Variants in GPR137C observed in about 807,000 individuals in gnomAD.
GPR137C encodes the protein G protein-coupled receptor 137C, also known as integral membrane protein GPR137C.
A neutral mutation model predicts 43.4 loss-of-function variants in GPR137C; 27 were observed. The observed-to-expected ratio is 0.62, with a 90% confidence interval of 0.46 to 0.86. The LOEUF is 0.86. GPR137C is among the 40% of genes least tolerant of loss of function. The pLI is 0.00. For missense variants in GPR137C, 522 were observed against 534.6 expected, an observed-to-expected ratio of 0.98 and a Z score of 0.23; for synonymous variants, 285 against 226.9, an observed-to-expected ratio of 1.26 and a Z score of -2.30.
intron 3 of GPR137C, among the ~76,000 whole-genome samples, chr14:52,608,025 T>C (rs2039000601): frequency 6.6e-6 from 1 of 152,240 alleles, no homozygotes; most frequent in South Asian, 2.1e-4. Flanking sequence ...GATTTTCCTG[T>C]AGGCAACATA....
intron 1 of GPR137C, among the ~76,000 whole-genome samples, chr14:52,596,567 G>A (rs766668275): frequency 6.6e-6 from 1 of 152,206 alleles, no homozygotes; most frequent in Non-Finnish European, 1.5e-5. Flanking sequence ...AGTGTTGCAG[G>A]TGGATCTCAG....
chr14:52,612,375 T>G, intron 3 of GPR137C: 1 of 939,632 alleles, frequency 1.1e-6, no homozygotes, highest in Non-Finnish European at 1.3e-6. Flanking sequence ...CTTATCCTAC[T>G]GATAGGCCTT....
intron 1 of GPR137C, among the ~76,000 whole-genome samples, chr14:52,560,562 A>G (rs1295042642): frequency 1.3e-5 from 2 of 152,352 alleles, no homozygotes; most frequent in South Asian, 2.1e-4. Context: ...AGATAGACAT[A>G]TAGATCAGTG....
At position 52,553,519 on chromosome 14, in the gene GPR137C, C is replaced by G. The variant is rs1231784047; in HGVS notation, c.372C>G (p.His124Gln). 2 of 1,609,542 alleles carry G rather than the reference C, an allele frequency of 1.2e-6. No homozygotes were observed. The highest frequency in any genetic ancestry group is 1.7e-6 in the Non-Finnish European group (2 of 1,179,654). Residue 124 changes from histidine to glutamine, a missense_variant, in exon 1 of 7, where the codon CAC becomes CAG. Transcript: ENST00000321662. ...RPPAHLHFFP[H>Q]WLLYCFPSCL... ...CCGCTCACCTGCACTTCTTCCCCCA[C>G]TGGCTGCTCTACTGCTTCCCCTCCT...
chr14:52,585,851 A>C (rs941818993), intron 1 of GPR137C, among the ~76,000 whole-genome samples: 1 of 152,102 alleles, frequency 6.6e-6, no homozygotes, highest in African/African-American at 2.4e-5. Flanking sequence ...AAAAGAAAAG[A>C]AAAGAAAACA....
chr14:52,613,717 G>T, intron 3 of GPR137C: 1 of 266,070 alleles, frequency 3.8e-6, no homozygotes, highest in South Asian at 4.1e-5. Flanking sequence ...ACTCCATTGT[G>T]TGTAAGTACC....
At chr14:52,572,236 A>T (rs1187212281) in intron 1 of GPR137C, among the ~76,000 whole-genome samples, 2 of 152,258 alleles carry the variant, frequency 1.3e-5, no homozygotes, top group African/African-American at 4.8e-5. Context: ...ATTCCTCCCT[A>T]ACTCATTTTA....
At chr14:52,577,520 A>G (rs868051137) in intron 1 of GPR137C, among the ~76,000 whole-genome samples, 23 of 148,768 alleles carry the variant, frequency 1.5e-4, no homozygotes, top group African/African-American at 4.2e-4. Context: ...GCGCGCGCAC[A>G]CACACACACA....
In GPR137C at chr14:52,600,175, G is replaced by T. The variant is rs772894050; in HGVS notation, c.551G>T (p.Cys184Phe). The change falls in exon 3 of 7, where the codon TGC becomes TTC. Residue 184 changes from cysteine (C) to phenylalanine (F), a missense_variant. Transcript: ENST00000321662. ...SLLFLVVNLT[C>F]AMLVHGDVPE... ...CTCTTTTTAGTGGTGAACTTGACTT[G>T]CGCAATGCTAGTTCATGGAGATGTC... The T allele has an allele frequency of 2.5e-6, 4 of 1,613,748 alleles. 1 individual carries two copies. The Admixed American group carries it at 6.7e-5, about 27-fold the overall frequency.
intron 1 of GPR137C, among the ~76,000 whole-genome samples, chr14:52,587,852 G>A (rs538164376): frequency 6.6e-5 from 10 of 152,204 alleles, no homozygotes; most frequent in Non-Finnish European, 1.2e-4. Context: ...GGATGGGAAG[G>A]TGGAGCTAGG....
intron 1 of GPR137C, among the ~76,000 whole-genome samples, chr14:52,596,754 A>T (rs184540948): frequency 2.6e-5 from 4 of 152,158 alleles, no homozygotes; most frequent in African/African-American, 9.6e-5. Context: ...TAGGAAAGGG[A>T]AATTCCCCAA....
chr14:52,576,700 G>A (rs2038558016), intron 1 of GPR137C, among the ~76,000 whole-genome samples: 1 of 152,052 alleles, frequency 6.6e-6, no homozygotes, highest in African/African-American at 2.4e-5. Context: ...CCTAATAGAC[G>A]TTTACAGAAC....
intron 1 of GPR137C, among the ~76,000 whole-genome samples, chr14:52,560,267 T>A (rs74523679): frequency 0.016 from 2,367 of 152,224 alleles, 48 homozygotes; most frequent in African/African-American, 0.054. Context: ...TTGAGAGAAA[T>A]TAAAGAGGCC....
chr14:52,630,459 T>C (rs2039282153), intron 3 of GPR137C, among the ~76,000 whole-genome samples: 1 of 150,734 alleles, frequency 6.6e-6, no homozygotes, highest in African/African-American at 2.5e-5. Context: ...TTATTAACTT[T>C]TTTTGGATTC....
intron 1 of GPR137C, among the ~76,000 whole-genome samples, chr14:52,559,642 G>C (rs1241893828): frequency 6.6e-6 from 1 of 152,090 alleles, no homozygotes; most frequent in African/African-American, 2.4e-5. Context: ...GAAGAACAAA[G>C]TACTTCACAA....
chr14:52,612,079 C>G (rs748733772), intron 3 of GPR137C: 1 of 984,962 alleles, frequency 1.0e-6, no homozygotes, highest in Non-Finnish European at 1.2e-6. Context: ...TTTATTTCTA[C>G]CAGACTTGCT....
Position 52,553,619 on chromosome 14 carries a change from C to T in GPR137C, c.444+28C>T, listed in dbSNP as rs955378867. ...AAGGCGGGAGGGCCGGCATGCGGGG[C>T]CCGGGCGGGTGCGCGGGGCCGCCGG... On this transcript the variant is annotated intron_variant, in intron 1 of 6. Transcript: ENST00000321662. 22 of 1,524,696 alleles carry T rather than the reference C, an allele frequency of 1.4e-5. No individual in the cohort carries two copies. The African/African-American group carries it at 2.7e-4, about 19-fold the overall frequency. 94.4% of individuals were successfully genotyped at this position (1,524,696 alleles called of 1,614,324 possible).
intron 3 of GPR137C, among the ~76,000 whole-genome samples, chr14:52,614,585 C>T (rs1221335084): frequency 1.3e-5 from 2 of 152,058 alleles, no homozygotes; most frequent in Admixed American, 6.6e-5. Context: ...CCTCCTGGGC[C>T]CAGGTGATCC....
At chr14:52,632,598 G>C (rs2039308096) in intron 4 of GPR137C, among the ~76,000 whole-genome samples, 1 of 151,982 alleles carries the variant, frequency 6.6e-6, no homozygotes, top group Non-Finnish European at 1.5e-5. Context: ...TTTTGTTAAT[G>C]ATGATGTTTA....
Sources: gnomAD v4.1 joint callset for allele counts (sites outside exome capture counted in the v4.1 genomes callset) on GRCh38, gnomAD v4.1.1 for gene constraint, MANE v1.5 for transcripts, NCBI Gene and HGNC (gene_info 2026-07-23, HGNC 2026-07-21) for gene names.